EXT1: variants seen among roughly 807,000 people sequenced by gnomAD.
EXT1 encodes exostosin-1.
EXT1 carries 20 observed loss-of-function variants against 82.5 expected under a neutral mutation model. The ratio of observed to expected loss-of-function variants is 0.24; its 90% CI spans 0.17 to 0.35. The LOEUF is 0.35. Among genes scored for constraint, EXT1 ranks in the 10% least tolerant of loss-of-function variants. The pLI is 1.00. For missense variants in EXT1, 757 were observed against 936.5 expected (o/e 0.81, Z 2.50); for synonymous variants, 348 against 350.8 (o/e 0.99, Z 0.09).
At chr8:117,906,438 T>A (rs966079952) in intron 1 of EXT1, among the ~76,000 whole-genome samples, 1 of 152,164 alleles carries the variant, frequency 6.6e-6, no homozygotes, top group African/African-American at 2.4e-5. Context: ...ACCCTTAGAA[T>A]TCTTCTAACA....
At chr8:117,912,154 T>G (rs959193427) in intron 1 of EXT1, among the ~76,000 whole-genome samples, 3 of 152,174 alleles carry the variant, frequency 2.0e-5, no homozygotes, top group Non-Finnish European at 4.4e-5. Context: ...GGCACCATAT[T>G]GCAAGAGGGA....
At chr8:118,002,006 C>A (rs1402771748) in intron 1 of EXT1, among the ~76,000 whole-genome samples, 1 of 152,066 alleles carries the variant, frequency 6.6e-6, no homozygotes, top group Admixed American at 6.6e-5. Context: ...CCAATGAATT[C>A]AAAAACTATT....
intron 1 of EXT1, among the ~76,000 whole-genome samples, chr8:118,022,265 AT>A (rs1392899926): frequency 2.0e-5 from 3 of 151,540 alleles, no homozygotes; most frequent in African/African-American, 7.3e-5. Context: ...CAAGAAAAAA[AT>A]TAATGCAGGG....
chr8:118,031,315 G>A (rs997514848), intron 1 of EXT1, among the ~76,000 whole-genome samples: 16 of 152,070 alleles, frequency 1.1e-4, no homozygotes, highest in Non-Finnish European at 2.2e-4. Flanking sequence ...GAGGTCAGGA[G>A]TTTGTTTGAG....
chr8:118,080,516 T>C (rs1817296980), intron 1 of EXT1, among the ~76,000 whole-genome samples: 1 of 152,178 alleles, frequency 6.6e-6, no homozygotes, highest in Non-Finnish European at 1.5e-5. Context: ...AACATTAGTT[T>C]TTAAAGGAGA....
intron 1 of EXT1, among the ~76,000 whole-genome samples, chr8:117,909,812 G>C (rs902355952): frequency 6.6e-6 from 1 of 152,134 alleles, no homozygotes; most frequent in African/African-American, 2.4e-5. Context: ...CTGTCACCCA[G>C]ATGGGAGTAC....
At position 117,805,238 on chromosome 8, in the gene EXT1, T is replaced by C. The variant is rs183224422; in HGVS notation, c.1884-345A>G. On this transcript the variant is annotated intron_variant, in intron 9 of 10. Transcript: ENST00000378204. ...TAACTCTAACATCAGACAGGTGAGTTAGAAAGAAGAACTAAATAATTAGAT... is the reference window on the plus strand; with the variant it reads ...TAACTCTAACATCAGACAGGTGAGTCAGAAAGAAGAACTAAATAATTAGAT... Among the ~76,000 whole-genome samples the C allele has an allele frequency of 7.2e-5, 11 of 152,316 alleles. No homozygotes were observed. In the East Asian group the frequency reaches 1.7e-3, roughly 24 times the overall value.
intron 10 of EXT1, among the ~76,000 whole-genome samples, chr8:117,802,759 A>T (rs1478846675): frequency 2.0e-5 from 3 of 152,220 alleles, no homozygotes; most frequent in East Asian, 3.8e-4. Context: ...AGCCTTAAAA[A>T]TTTTTACAAA....
chr8:117,873,940 T>G (rs781694029), intron 1 of EXT1, among the ~76,000 whole-genome samples: 85 of 152,372 alleles, frequency 5.6e-4, no homozygotes, highest in Non-Finnish European at 1.0e-3. Context: ...TTCCTCCATT[T>G]GAAAAGACAA....
In EXT1 at chr8:118,109,857, C is replaced by T. The variant is rs561691727; in HGVS notation, c.962+228G>A. On this transcript the variant is annotated intron_variant, in intron 1 of 10. Coordinates refer to ENST00000378204, the MANE Select transcript of EXT1 (RefSeq NM_000127.3). ...AGCAAGAGGGAGATACTGTCACCTA[C>T]TTGGCTCGAGAAGGTGCTCCAGGCT... 1.3e-5 allele frequency among the ~76,000 whole-genome samples: 2 copies of T among 152,306 alleles called. 1 individual carries two copies. Among genetic ancestry groups the T allele is most frequent in the East Asian group, 3.9e-4 (2 of 5,174 alleles).
chr8:117,993,666 C>G lies in EXT1; in HGVS notation c.962+116419G>C, dbSNP rs17451182. Among the ~76,000 whole-genome samples the G allele has an allele frequency of 2.8e-4, 43 of 152,318 alleles. No individual in the cohort carries two copies. In the East Asian group the frequency reaches 8.1e-3, roughly 29 times the overall value. On this transcript the variant is annotated intron_variant, in intron 1 of 10. Transcript: ENST00000378204. ...AATATGTTTGGCAGTGATACCACAGCCTCATCTGGAGACTCACAATCCATG... is the reference window on the plus strand; with the variant it reads ...AATATGTTTGGCAGTGATACCACAGGCTCATCTGGAGACTCACAATCCATG...
chr8:117,907,063 C>T (rs1052466680), intron 1 of EXT1, among the ~76,000 whole-genome samples: 1 of 152,248 alleles, frequency 6.6e-6, no homozygotes, highest in South Asian at 2.1e-4. Flanking sequence ...TACATACAGC[C>T]CTGACTTCTC....
intron 1 of EXT1, among the ~76,000 whole-genome samples, chr8:117,895,616 T>C (rs1388096952): frequency 6.6e-6 from 1 of 152,146 alleles, no homozygotes; most frequent in Non-Finnish European, 1.5e-5. Flanking sequence ...CCAATAATAA[T>C]GCCAATTACA....
rs35438767 is a variant in EXT1 at position 118,109,360 on chromosome 8, TA to T, written c.962+724del. On this transcript the variant is annotated intron_variant, in intron 1 of 10. Transcript: ENST00000378204. ...AGACAGTGAGACTGAGGCCCACATT[TA>T]AAAAAAAAAAAAAAGTTTATCCTAG... 6.7e-3 allele frequency among the ~76,000 whole-genome samples: 926 copies of T among 138,558 alleles called. 9 individuals are homozygous for T. Among genetic ancestry groups the T allele is most frequent in the African/African-American group, 0.021 (765 of 36,960 alleles). 90.9% of individuals were successfully genotyped at this position (138,558 alleles called of 152,430 possible).
At chr8:117,945,457 C>A (rs1473945922) in intron 1 of EXT1, among the ~76,000 whole-genome samples, 1 of 152,106 alleles carries the variant, frequency 6.6e-6, no homozygotes, top group African/African-American at 2.4e-5. Flanking sequence ...GTTTAAGGAT[C>A]AGGGGACTCC....
At chr8:118,080,473 G>A (rs1817295379) in intron 1 of EXT1, among the ~76,000 whole-genome samples, 1 of 151,508 alleles carries the variant, frequency 6.6e-6, no homozygotes, top group African/African-American at 2.4e-5. Flanking sequence ...GCAAAACACT[G>A]AAGTTCCCTG....
At chr8:117,926,531 G>A (rs1397005637) in intron 1 of EXT1, among the ~76,000 whole-genome samples, 2 of 152,316 alleles carry the variant, frequency 1.3e-5, no homozygotes, top group East Asian at 3.9e-4. Context: ...CAGCGGAGGT[G>A]CCCAAGAACT....
Position 117,809,242 on chromosome 8 carries a change from T to TATATATATAAA in EXT1, c.1723-1866_1723-1865insTTTATATATAT, listed in dbSNP as rs796605483. 1.4e-5 allele frequency among the ~76,000 whole-genome samples: 2 copies of TATATATATAAA among 141,214 alleles called. 1 individual carries two copies. Among genetic ancestry groups the TATATATATAAA allele is most frequent in the Non-Finnish European group, 3.1e-5 (2 of 65,072 alleles). 92.6% of individuals were successfully genotyped at this position (141,214 alleles called of 152,430 possible). The stretch of plus-strand genomic sequence containing the variant: ...AAATATATATATATATATATATATA[T>TATATATATAAA]ATTATGTTCTATTGATTCTGTTTGC... On this transcript the variant is annotated intron_variant, in intron 8 of 10. Transcript: ENST00000378204.
intron 1 of EXT1, among the ~76,000 whole-genome samples, chr8:118,106,150 T>C (rs1817800223): frequency 6.6e-6 from 1 of 152,182 alleles, no homozygotes; most frequent in African/African-American, 2.4e-5. Flanking sequence ...TAACAAATTG[T>C]GTACATGCTT....
Sources: allele counts gnomAD v4.1 joint callset (sites outside exome capture counted in the v4.1 genomes callset), GRCh38; gene constraint gnomAD v4.1.1; transcripts MANE v1.5; gene names NCBI Gene and HGNC (gene_info 2026-07-23, HGNC 2026-07-21).